Variants in PDK1 observed in about 807,000 individuals in gnomAD.
The protein encoded by PDK1 is pyruvate dehydrogenase kinase 1.
In PDK1, 39 loss-of-function variants were observed where a neutral mutation model predicts 54.2. The ratio of observed to expected loss-of-function variants is 0.72; its 90% CI spans 0.56 to 0.94. The LOEUF is 0.94. PDK1 is among the 40% of genes least tolerant of loss of function. The probability of loss-of-function intolerance (pLI) is 0.00; values close to 1 mark genes in which losing one functional copy is unlikely to be tolerated. For synonymous variants in PDK1, 221 were observed against 207.1 expected, an observed-to-expected ratio of 1.07 and a Z score of -0.58; for missense variants, 552 against 566.0, an observed-to-expected ratio of 0.98 and a Z score of 0.25.
intron 5 of PDK1, among the ~76,000 whole-genome samples, chr2:172,566,079 A>G (rs1308269695): frequency 2.0e-5 from 3 of 152,266 alleles, no homozygotes; most frequent in African/African-American, 7.2e-5. Flanking sequence ...CAAACAATGG[A>G]TAAGAGTGTT....
At chr2:172,641,238 C>T in the PDK1 span, among the ~76,000 whole-genome samples, 1 of 151,856 alleles carries the variant, frequency 6.6e-6, no homozygotes, top group Admixed American at 6.6e-5. Context: ...GCAATCCTCT[C>T]ACCTTAGCCT....
intron 8 of PDK1, among the ~76,000 whole-genome samples, chr2:172,584,456 T>C (rs549424690): frequency 6.6e-6 from 1 of 151,888 alleles, no homozygotes; most frequent in South Asian, 2.1e-4. Flanking sequence ...AATATCTAAT[T>C]AATGGTTAAC....
the PDK1 span, among the ~76,000 whole-genome samples, chr2:172,692,143 G>C: frequency 6.6e-6 from 1 of 152,104 alleles, no homozygotes; most frequent in African/African-American, 2.4e-5. Context: ...CAGTGGAGAG[G>C]GATGCGTCCA....
intron 8 of PDK1, 25 bp downstream of exon 8, chr2:172,570,849 TC>T (rs753067881): frequency 8.6e-5 from 117 of 1,367,292 alleles, no homozygotes; most frequent in Admixed American, 4.1e-4. Context: ...TGGTTTGTTT[TC>T]TTTTTTTTTT....
intron 3 of PDK1, among the ~76,000 whole-genome samples, chr2:172,564,281 G>T (rs1231221355): frequency 6.6e-6 from 1 of 152,214 alleles, no homozygotes; most frequent in Non-Finnish European, 1.5e-5. Flanking sequence ...GCCAAGAAAA[G>T]AATTAAATCT....
At chr2:172,648,675 A>G in the PDK1 span, among the ~76,000 whole-genome samples, 1 of 152,224 alleles carries the variant, frequency 6.6e-6, no homozygotes, top group Non-Finnish European at 1.5e-5. Flanking sequence ...ATGGTGCACC[A>G]GGAGATTATA....
At chr2:172,633,866 G>GTTT in the PDK1 span, among the ~76,000 whole-genome samples, 22 of 54,836 alleles carry the variant, frequency 4.0e-4, no homozygotes, top group Non-Finnish European at 7.8e-4. Context: ...TTTAGTCTAT[G>GTTT]ATTTTTTTTT....
At chr2:172,664,246 G>A in the PDK1 span, among the ~76,000 whole-genome samples, 10 of 123,374 alleles carry the variant, frequency 8.1e-5, no homozygotes, top group Non-Finnish European at 1.6e-4. Flanking sequence ...AGGAGGCAGA[G>A]GTTGCAAAGA....
At chr2:172,654,673 C>G in the PDK1 span, among the ~76,000 whole-genome samples, 1 of 151,990 alleles carries the variant, frequency 6.6e-6, no homozygotes, top group Non-Finnish European at 1.5e-5. Flanking sequence ...GACAAGTTAA[C>G]GAGTGCAGCA....
At chr2:172,591,551 A>G (rs1462445563) in intron 9 of PDK1, among the ~76,000 whole-genome samples, 1 of 152,146 alleles carries the variant, frequency 6.6e-6, no homozygotes, top group Non-Finnish European at 1.5e-5. Flanking sequence ...AGTGTTTGGT[A>G]GTAGGATAAT....
intron 9 of PDK1, among the ~76,000 whole-genome samples, chr2:172,587,714 T>G (rs1690332465): frequency 6.7e-6 from 1 of 150,186 alleles, no homozygotes; most frequent in African/African-American, 2.4e-5. Flanking sequence ...ATCCTGCTGA[T>G]TGGTCTATTT....
At chr2:172,638,623 G>A in the PDK1 span, among the ~76,000 whole-genome samples, 7 of 152,296 alleles carry the variant, frequency 4.6e-5, no homozygotes, top group Admixed American at 2.6e-4. Context: ...CTTCTGGGTC[G>A]GGTGGGGACT....
chr2:172,632,912 C>G, the PDK1 span, among the ~76,000 whole-genome samples: 1 of 144,710 alleles, frequency 6.9e-6, no homozygotes, highest in Non-Finnish European at 1.5e-5. Flanking sequence ...CCTGGGAGGC[C>G]GGAGGTTGCA....
At chr2:172,586,886 T>C (rs968891743) in intron 9 of PDK1, among the ~76,000 whole-genome samples, 4 of 152,206 alleles carry the variant, frequency 2.6e-5, no homozygotes, top group African/African-American at 9.6e-5. Flanking sequence ...TAATCTTAGT[T>C]CCACCTATTT....
the PDK1 span, among the ~76,000 whole-genome samples, chr2:172,652,308 A>T: frequency 6.6e-6 from 1 of 152,204 alleles, no homozygotes; most frequent in African/African-American, 2.4e-5. Context: ...AGGAATTGAT[A>T]GGATGTATCT....
the PDK1 span, among the ~76,000 whole-genome samples, chr2:172,673,560 T>C: frequency 1.3e-5 from 2 of 152,128 alleles, no homozygotes; most frequent in Non-Finnish European, 2.9e-5. Context: ...TCGCCTGACA[T>C]TCCTGGTGTG....
In PDK1 at chr2:172,556,605, C is replaced by T; in HGVS notation, c.196+259C>T. The T allele has an allele frequency of 8.7e-6, 3 of 344,950 alleles. No individual in the cohort carries two copies. The South Asian group carries it at 2.9e-4, about 34-fold the overall frequency. 21.4% of individuals were successfully genotyped at this position (344,950 alleles called of 1,614,324 possible). ...CCAGCTGGGCCGCGGGACGACCTCC[C>T]GCCTCCCGGCGCACGTGTGCAGGTG... On this transcript the variant is annotated intron_variant, in intron 1 of 10. Coordinates refer to ENST00000282077, the MANE Select transcript of PDK1 (RefSeq NM_002610.5).
the PDK1 span, among the ~76,000 whole-genome samples, chr2:172,622,145 T>C: frequency 7.0e-5 from 10 of 143,562 alleles, no homozygotes; most frequent in East Asian, 1.3e-3. Context: ...ATGTGAGATA[T>C]GTTTATATCA....
Position 172,586,376 on chromosome 2 carries a change from C to T in PDK1, c.1044C>T (p.Arg348=), listed in dbSNP as rs376471890. Residue 348 remains arginine (R), a synonymous_variant, in exon 9 of 11, where the codon CGC becomes CGT. Coordinates refer to ENST00000282077, the MANE Select transcript of PDK1 (RefSeq NM_002610.5). ...TAPRPRVETS[R]AVPLAGFGYG... is the part of the protein sequence containing the mutation. Reference sequence around the variant, plus strand: ...CAAGACCTCGTGTTGAGACCTCCCGCGCAGTGCCTCTGGTATGTTATCAAG... The same window carrying T: ...CAAGACCTCGTGTTGAGACCTCCCGTGCAGTGCCTCTGGTATGTTATCAAG... The T allele has an allele frequency of 1.6e-5, 25 of 1,588,442 alleles. No homozygotes were observed. Among genetic ancestry groups the T allele is most frequent in the Middle Eastern group, 1.7e-4 (1 of 6,042 alleles).
Sources: allele counts gnomAD v4.1 joint callset (sites outside exome capture counted in the v4.1 genomes callset), GRCh38; gene constraint gnomAD v4.1.1; transcripts MANE v1.5; gene names NCBI Gene and HGNC (gene_info 2026-07-23, HGNC 2026-07-21).